TBCK: variants seen among roughly 807,000 people sequenced by gnomAD.
TBCK encodes TBC1 domain containing kinase.
A neutral mutation model predicts 113.4 loss-of-function variants in TBCK; 99 were observed. The ratio of observed to expected loss-of-function variants is 0.87; its 90% confidence interval spans 0.74 to 1.03. The LOEUF is 1.03. Among genes scored for constraint, TBCK ranks in the 50% least tolerant of loss-of-function variants. The pLI is 0.00. For synonymous variants in TBCK, 369 were observed against 370.8 expected, an observed-to-expected ratio of 1.00 and a Z score of 0.05; for missense variants, 1,045 against 1,061.3, an observed-to-expected ratio of 0.98 and a Z score of 0.21.
At chr4:106,142,329 A>C (rs967486471) in intron 23 of TBCK, among the ~76,000 whole-genome samples, 5 of 152,184 alleles carry the variant, frequency 3.3e-5, no homozygotes, top group Admixed American at 3.3e-4. Context: ...TCTCTAACAG[A>C]TGTGACAATG....
chr4:106,223,274 G>A (rs181686651), intron 19 of TBCK, among the ~76,000 whole-genome samples: 231 of 152,076 alleles, frequency 1.5e-3, no homozygotes, highest in Non-Finnish European at 2.2e-3. Flanking sequence ...ATATTCTCTC[G>A]CTCTCATTGT....
intron 25 of TBCK, among the ~76,000 whole-genome samples, chr4:106,066,358 A>T (rs1001145885): frequency 6.6e-6 from 1 of 152,000 alleles, no homozygotes; most frequent in African/African-American, 2.4e-5. Flanking sequence ...ACTTAAAAAA[A>T]AACCCAAAAT....
chr4:106,130,629 C>CA (rs1553937234), intron 23 of TBCK, among the ~76,000 whole-genome samples: 4 of 144,728 alleles, frequency 2.8e-5, no homozygotes, highest in African/African-American at 5.2e-5. Flanking sequence ...CACACACACA[C>CA]CACACAGAAA....
intron 25 of TBCK, 45 bp downstream of exon 25, chr4:106,095,437 A>G: frequency 6.5e-7 from 1 of 1,539,380 alleles, no homozygotes; most frequent in South Asian, 1.2e-5. Flanking sequence ...GAAGGCAGGT[A>G]AATCACTCAT....
At chr4:106,252,106 G>T in intron 5 of TBCK, 99 bp from the exon 6 acceptor site, 1 of 946,036 alleles carries the variant, frequency 1.1e-6, no homozygotes, top group Non-Finnish European at 1.5e-6. Context: ...AAAGTCTCAT[G>T]CAATTAAATT....
At chr4:106,191,594 T>C (rs2149807799) in intron 22 of TBCK, among the ~76,000 whole-genome samples, 1 of 152,310 alleles carries the variant, frequency 6.6e-6, no homozygotes, top group Non-Finnish European at 1.5e-5. Context: ...AGTGCTTTAA[T>C]AGGACCTATC....
chr4:106,265,278 T>C (rs900286824), intron 3 of TBCK, among the ~76,000 whole-genome samples: 1 of 151,958 alleles, frequency 6.6e-6, no homozygotes, highest in African/African-American at 2.4e-5. Context: ...CAGGTATATA[T>C]ATCTATGAGG....
At chr4:106,067,731 A>T (rs1180283436) in intron 25 of TBCK, among the ~76,000 whole-genome samples, 1 of 152,152 alleles carries the variant, frequency 6.6e-6, no homozygotes, top group East Asian at 1.9e-4. Flanking sequence ...TTTTCCCAGC[A>T]CCATTTGTTG....
chr4:106,242,402 T>C (rs1234546161), intron 12 of TBCK, 68 bp downstream of exon 12: 3 of 1,181,178 alleles, frequency 2.5e-6, no homozygotes, highest in South Asian at 1.5e-5. Context: ...ACAAGATTTC[T>C]TGTGTATCTG....
intron 20 of TBCK, among the ~76,000 whole-genome samples, chr4:106,195,781 T>C (rs1386296062): frequency 6.6e-6 from 1 of 152,010 alleles, no homozygotes; most frequent in Non-Finnish European, 1.5e-5. Flanking sequence ...CTCTAGACTC[T>C]CAATTATACC....
At chr4:106,238,265 AGAGTACT>A (rs1462808485) in intron 12 of TBCK, among the ~76,000 whole-genome samples, 1 of 152,098 alleles carries the variant, frequency 6.6e-6, no homozygotes, top group Non-Finnish European at 1.5e-5. Flanking sequence ...TTATAAATTC[AGAGTACT>A]GAGTAGGAAT....
Position 106,244,682 on chromosome 4 carries a change from TTTCTC to T in TBCK, c.1009_1013del (p.Glu337ArgfsTer23). On this transcript the variant is annotated frameshift_variant, in exon 11 of 26. Coordinates refer to ENST00000394708, the MANE Select transcript of TBCK (RefSeq NM_001163435.3). LOFTEE classifies it high-confidence loss of function. ...GAATGATTTCCTTGTTGACAAGCTC[TTTCTC>T]CAAGTCACCTCCAGCCAAACACCAA... The T allele has an allele frequency of 6.2e-7, 1 of 1,612,546 alleles. No homozygotes were observed. Among genetic ancestry groups the T allele is most frequent in the Non-Finnish European group, 8.5e-7 (1 of 1,179,082 alleles).
At position 106,171,986 on chromosome 4, in the gene TBCK, A is replaced by G. The variant is rs542492779; in HGVS notation, c.2060-716T>C. Among the ~76,000 whole-genome samples the G allele has an allele frequency of 4.6e-5, 7 of 152,100 alleles. 1 individual carries two copies. The highest frequency in any genetic ancestry group is 4.6e-4 in the Admixed American group (7 of 15,266). Reference sequence around the variant, plus strand: ...GCTGGGATTACAGGCCTATGCCACAACACCCGGCTAATTTTTTGTATTTTT... The same window carrying G: ...GCTGGGATTACAGGCCTATGCCACAGCACCCGGCTAATTTTTTGTATTTTT... On this transcript the variant is annotated intron_variant, in intron 22 of 25. Coordinates refer to ENST00000394708, the MANE Select transcript of TBCK (RefSeq NM_001163435.3).
intron 15 of TBCK, among the ~76,000 whole-genome samples, 155 bp downstream of exon 15, chr4:106,235,114 T>C (rs1235430183): frequency 6.6e-6 from 1 of 152,142 alleles, no homozygotes; most frequent in Non-Finnish European, 1.5e-5. Flanking sequence ...TGTTTTCCTA[T>C]ATTCTTTCCA....
At chr4:106,059,142 GTGGGATCT>G (rs1230950456) in intron 25 of TBCK, among the ~76,000 whole-genome samples, 1 of 151,728 alleles carries the variant, frequency 6.6e-6, no homozygotes, top group Admixed American at 6.6e-5. Context: ...TTTGTCAGCT[GTGGGATCT>G]TGGCCAAGTT....
At chr4:106,129,615 CA>C (rs200760584) in intron 23 of TBCK, among the ~76,000 whole-genome samples, 11 of 148,972 alleles carry the variant, frequency 7.4e-5, no homozygotes, top group South Asian at 2.1e-4. Flanking sequence ...CCTGCTTTGT[CA>C]AAAAAAAGGG....
chr4:106,149,784 G>A (rs1288974269), intron 23 of TBCK, among the ~76,000 whole-genome samples: 1 of 152,168 alleles, frequency 6.6e-6, no homozygotes, highest in South Asian at 2.1e-4. Context: ...AGACTTGCAT[G>A]ATACAAGGGT....
chr4:106,160,883 G>T (rs1437642182), intron 23 of TBCK, among the ~76,000 whole-genome samples: 1 of 151,902 alleles, frequency 6.6e-6, no homozygotes, highest in East Asian at 1.9e-4. Context: ...ACTGATGAAT[G>T]AATGGATAAA....
chr4:106,221,560 T>C (rs1757680389), intron 19 of TBCK, among the ~76,000 whole-genome samples: 1 of 152,060 alleles, frequency 6.6e-6, no homozygotes, highest in South Asian at 2.1e-4. Context: ...TATGTAATAT[T>C]CTCAGTTATT....
Sources: gnomAD v4.1 joint callset for allele counts (sites outside exome capture counted in the v4.1 genomes callset) on GRCh38, gnomAD v4.1.1 for gene constraint, MANE v1.5 for transcripts, NCBI Gene and HGNC (gene_info 2026-07-23, HGNC 2026-07-21) for gene names.